The following SLC8A3 variants were observed in gnomAD, a reference collection of about 807,000 sequenced individuals.
The protein encoded by SLC8A3 is sodium/calcium exchanger 3.
Under a neutral mutation model 65.4 loss-of-function variants are expected in SLC8A3, and 37 were observed. The ratio of observed to expected loss-of-function variants is 0.57; its 90% CI spans 0.44 to 0.74. The LOEUF (loss-of-function observed/expected upper bound fraction) is 0.74. Ranked by LOEUF, SLC8A3 falls within the 30% of genes least tolerant of loss-of-function variation. The pLI is 0.00. For missense variants in SLC8A3, 1,112 were observed against 1,172.1 expected, an observed-to-expected ratio of 0.95 and a Z score of 0.75; for synonymous variants, 461 against 444.5, an observed-to-expected ratio of 1.04 and a Z score of -0.47.
At chr14:70,151,269 A>G (rs931808104) in intron 2 of SLC8A3, among the ~76,000 whole-genome samples, 2 of 152,162 alleles carry the variant, frequency 1.3e-5, no homozygotes. Context: ...AAGAAAAAAA[A>G]AAAAAAAGAA....
rs368848410 is a variant in SLC8A3, at chr14:70,168,268, G to A, written c.155C>T (p.Ser52Leu). ...GQNNESCSGS[S>L]DCKEGVILPI... is the part of the protein sequence containing the mutation. ...CAGGATGACACCCTCCTTGCAGTCC[G>A]ATGACCCTGAACAGGACTCATTGTT... is the stretch of plus-strand genomic sequence containing the variant. The change falls in exon 2 of 7, where the codon TCG (serine) becomes TTG (leucine). Residue 52 changes from serine (S) to leucine (L), a missense_variant. Physicochemically the swap from Ser to Leu is moderately radical, Grantham distance 145. Transcript: ENST00000356921. The A allele has an allele frequency of 3.0e-5, 49 of 1,614,012 alleles. No homozygotes were observed. The highest frequency in any genetic ancestry group is 6.7e-5 in the Admixed American group (4 of 59,990).
In SLC8A3 at chr14:70,045,804, C is replaced by T; in HGVS notation, c.*143G>A. The T allele has an allele frequency of 1.4e-6, 1 of 736,442 alleles. No homozygotes were observed. The highest frequency in any genetic ancestry group is 2.1e-6 in the Non-Finnish European group (1 of 465,898). 45.6% of individuals were successfully genotyped at this position (736,442 alleles called of 1,614,324 possible). On this transcript the variant is annotated 3_prime_UTR_variant, in exon 7 of 7. Transcript: ENST00000356921. ...TTGCCCTTTCAGTTAATTGCCAGGG[C>T]CTAAGTTGGGTGAAGTTCCTGGGGC...
chr14:70,060,979 G>A (rs369599950), intron 2 of SLC8A3, 40 bp from the exon 3 acceptor site: 23 of 937,856 alleles, frequency 2.5e-5, no homozygotes, highest in African/African-American at 1.3e-4. Flanking sequence ...CGACTGGGTC[G>A]GTAGATTGGT....
intron 2 of SLC8A3, among the ~76,000 whole-genome samples, chr14:70,078,664 G>A (rs769586664): frequency 6.6e-6 from 1 of 152,156 alleles, no homozygotes; most frequent in Non-Finnish European, 1.5e-5. Context: ...CAAGACACAA[G>A]CACCCTCAGC....
intron 3 of SLC8A3, among the ~76,000 whole-genome samples, chr14:70,053,266 T>C (rs1035829935): frequency 2.0e-5 from 3 of 152,224 alleles, no homozygotes; most frequent in South Asian, 4.1e-4. Flanking sequence ...TTTCTGCATA[T>C]GTCCAAGTCA....
At chr14:70,162,590 A>C (rs893725030) in intron 2 of SLC8A3, among the ~76,000 whole-genome samples, 1 of 152,180 alleles carries the variant, frequency 6.6e-6, no homozygotes, top group African/African-American at 2.4e-5. Flanking sequence ...GAGCTGCAAT[A>C]ATCTGTTATT....
chr14:70,061,334 G>T (rs1888776023), intron 2 of SLC8A3, among the ~76,000 whole-genome samples: 1 of 152,152 alleles, frequency 6.6e-6, no homozygotes, highest in Admixed American at 6.5e-5. Context: ...CATGATAACA[G>T]TGGCATTTCT....
intron 5 of SLC8A3, among the ~76,000 whole-genome samples, chr14:70,050,010 G>A (rs1033900991): frequency 1.3e-5 from 2 of 152,238 alleles, no homozygotes; most frequent in Non-Finnish European, 2.9e-5. Context: ...TGGCATAACC[G>A]GTAGAAGCTG....
At chr14:70,067,336 A>G (rs1766640966) in intron 2 of SLC8A3, among the ~76,000 whole-genome samples, 1 of 152,218 alleles carries the variant, frequency 6.6e-6, no homozygotes, top group Admixed American at 6.5e-5. Flanking sequence ...TTAGTTAGTT[A>G]GTTACTGGAT....
intron 2 of SLC8A3, among the ~76,000 whole-genome samples, chr14:70,077,389 G>A (rs1890632019): frequency 6.6e-6 from 1 of 152,204 alleles, no homozygotes; most frequent in South Asian, 2.1e-4. Flanking sequence ...TGCCTTTTCA[G>A]GGTAACATTC....
At chr14:70,066,935 C>T (rs1222032035) in intron 2 of SLC8A3, among the ~76,000 whole-genome samples, 2 of 152,214 alleles carry the variant, frequency 1.3e-5, no homozygotes, top group South Asian at 2.1e-4. Flanking sequence ...CCCTTCCCCA[C>T]ATTATAGCCA....
At chr14:70,155,324 A>G (rs945281136) in intron 2 of SLC8A3, among the ~76,000 whole-genome samples, 1 of 152,126 alleles carries the variant, frequency 6.6e-6, no homozygotes, top group Non-Finnish European at 1.5e-5. Flanking sequence ...GCTACAAAAC[A>G]CTAGAACTTA....
intron 2 of SLC8A3, among the ~76,000 whole-genome samples, chr14:70,148,472 C>T (rs1397286294): frequency 6.6e-6 from 1 of 152,126 alleles, no homozygotes; most frequent in Non-Finnish European, 1.5e-5. Context: ...CATTTAGATA[C>T]AATGACTAAG....
intron 2 of SLC8A3, among the ~76,000 whole-genome samples, chr14:70,111,611 A>C (rs1170957951): frequency 6.6e-6 from 1 of 152,250 alleles, no homozygotes; most frequent in Non-Finnish European, 1.5e-5. Context: ...AATACAAAGA[A>C]GAGTTTGAAG....
intron 2 of SLC8A3, among the ~76,000 whole-genome samples, chr14:70,135,008 T>C (rs911095621): frequency 1.3e-5 from 2 of 152,180 alleles, no homozygotes; most frequent in African/African-American, 2.4e-5. Context: ...GATGGCTGTG[T>C]ATCAGAATAT....
Position 70,044,417 on chromosome 14 carries a change from A to C in SLC8A3, c.*1530T>G, listed in dbSNP as rs1886528539. 1 of 140,584 alleles carries C rather than the reference A, an allele frequency of 7.1e-6. No individual in the cohort carries two copies. The highest frequency in any genetic ancestry group is 7.2e-5 in the Admixed American group (1 of 13,962). The allele number at this position is 140,584 out of a possible 1,614,324, so 8.7% of individuals were successfully genotyped here. On this transcript the variant is annotated 3_prime_UTR_variant, in exon 7 of 7. Coordinates refer to ENST00000356921, the MANE Select transcript of SLC8A3 (RefSeq NM_182932.3). ...GAAAATGTATTTATGTCAATGCAGA[A>C]AGCCTAAAGATCCGTGGGCAGTTTC...
intron 2 of SLC8A3, among the ~76,000 whole-genome samples, chr14:70,074,072 C>G (rs1036274936): frequency 3.3e-5 from 5 of 152,202 alleles, no homozygotes; most frequent in African/African-American, 1.2e-4. Flanking sequence ...TACACTAAAG[C>G]AAAGCTGCAG....
chr14:70,141,060 C>T lies in SLC8A3; in HGVS notation c.1784+25579G>A, dbSNP rs369432704. 1.2e-4 allele frequency among the ~76,000 whole-genome samples: 18 copies of T among 152,338 alleles called. No homozygotes were observed. In the South Asian group the frequency reaches 3.7e-3, roughly 32 times the overall value. ...AGCCTATAGAGAAGAGGATAATGGTCATAATACCGATGCGATAATAACAAT... is the reference window on the plus strand; with the variant it reads ...AGCCTATAGAGAAGAGGATAATGGTTATAATACCGATGCGATAATAACAAT... On this transcript the variant is annotated intron_variant, in intron 2 of 6. Transcript: ENST00000356921.
intron 2 of SLC8A3, among the ~76,000 whole-genome samples, chr14:70,132,565 G>A (rs1894911822): frequency 6.6e-6 from 1 of 152,166 alleles, no homozygotes; most frequent in Non-Finnish European, 1.5e-5. Flanking sequence ...GCGGTGACCT[G>A]CTGCTGTAAG....
Sources: allele counts gnomAD v4.1 joint callset (sites outside exome capture counted in the v4.1 genomes callset), GRCh38; gene constraint gnomAD v4.1.1; transcripts MANE v1.5; gene names NCBI Gene and HGNC (gene_info 2026-07-23, HGNC 2026-07-21).